The following RIMKLB variants were observed in gnomAD, a reference collection of about 807,000 sequenced individuals.
RIMKLB encodes beta-citrylglutamate synthase B.
A neutral mutation model predicts 32.0 loss-of-function variants in RIMKLB; 7 were observed. That is an observed-to-expected ratio of 0.22 (90% CI 0.12 to 0.41). The LOEUF is 0.41. RIMKLB is among the 10% of genes least tolerant of loss of function. The pLI is 1.00. For synonymous variants in RIMKLB, 172 were observed against 185.1 expected, an observed-to-expected ratio of 0.93 and a Z score of 0.57; for missense variants, 289 against 498.7, an observed-to-expected ratio of 0.58 and a Z score of 4.00.
At chr12:8,778,632 A>G (rs956743525), downstream of RIMKLB, among the ~76,000 whole-genome samples, 1 of 152,146 alleles carries the variant, frequency 6.6e-6, no homozygotes, top group Middle Eastern at 3.2e-3. Context: ...AAACTAAACT[A>G]TCCTCTCCTC....
intron 1 of RIMKLB, among the ~76,000 whole-genome samples, chr12:8,685,200 G>A (rs1227323884): frequency 6.6e-6 from 1 of 152,162 alleles, no homozygotes; most frequent in Non-Finnish European, 1.5e-5. Context: ...AGCCATGCTT[G>A]CCTTGGTCCT....
intron 1 of RIMKLB, among the ~76,000 whole-genome samples, chr12:8,699,307 CTTAATTA>C: frequency 6.6e-6 from 1 of 151,954 alleles, no homozygotes; most frequent in Middle Eastern, 3.4e-3. Flanking sequence ...TATGGGTGTT[CTTAATTA>C]TTAACTATAA....
chr12:8,770,949 G>A lies in RIMKLB; in HGVS notation c.698-2372G>A, dbSNP rs116677610. 9.2e-3 allele frequency among the ~76,000 whole-genome samples: 1,395 copies of A among 152,256 alleles called. 18 individuals are homozygous for A. Among genetic ancestry groups the A allele is most frequent in the African/African-American group, 0.03 (1,249 of 41,550 alleles). The stretch of plus-strand genomic sequence containing the variant: ...ACAGAACTCAAAGAACACTTACATT[G>A]TGTTATCTGTATATTATAAAGGATA... On this transcript the variant is annotated intron_variant, in intron 5 of 5. Transcript: ENST00000535829.
rs536756860 is a variant in RIMKLB at position 8,744,692 on chromosome 12, G to A, written c.176-5170G>A. ...TTTATTTATTTTGAGATGGAGTCTC[G>A]CTCTGTTGCTTAGGCTGGAGTGGAG... On this transcript the variant is annotated intron_variant, in intron 2 of 5. Transcript: ENST00000535829. 9.9e-4 allele frequency among the ~76,000 whole-genome samples: 150 copies of A among 151,184 alleles called. 2 individuals carry two copies. The highest frequency in any genetic ancestry group is 3.3e-3 in the African/African-American group (136 of 40,928).
chr12:8,693,674 A>G (rs59449904), upstream of RIMKLB, among the ~76,000 whole-genome samples: 32,050 of 151,994 alleles, frequency 0.21, 3,694 homozygotes, highest in Non-Finnish European at 0.26. Context: ...CTGGGATTAC[A>G]CATGGGAGAC....
chr12:8,690,388 C>T (rs1174727359), intron 1 of RIMKLB, among the ~76,000 whole-genome samples: 1 of 152,086 alleles, frequency 6.6e-6, no homozygotes, highest in Non-Finnish European at 1.5e-5. Context: ...GTAAATGCTA[C>T]TGAAGCATGA....
chr12:8,675,932 C>T, the RIMKLB span, among the ~76,000 whole-genome samples: 11 of 151,654 alleles, frequency 7.3e-5, no homozygotes, highest in Non-Finnish European at 1.5e-4. Flanking sequence ...TTGTCCCTGA[C>T]GTCGTTAAAT....
upstream of RIMKLB, chr12:8,697,531 C>G (rs1049937860): frequency 1.2e-4 from 18 of 154,030 alleles, no homozygotes; most frequent in African/African-American, 3.9e-4. Flanking sequence ...AATGTGAGGG[C>G]GGGGAGGGCG....
At chr12:8,716,811 A>G (rs950292281) in intron 2 of RIMKLB, among the ~76,000 whole-genome samples, 8 of 135,476 alleles carry the variant, frequency 5.9e-5, no homozygotes, top group African/African-American at 2.2e-4. Context: ...ATCTTAGCTC[A>G]CTGCAGCCTC....
chr12:8,750,856 TTTC>T (rs2137745728), intron 3 of RIMKLB, among the ~76,000 whole-genome samples: 1 of 151,682 alleles, frequency 6.6e-6, no homozygotes, highest in South Asian at 2.1e-4. Context: ...TGCCTTTAAT[TTTC>T]TTGTTTGGAA....
chr12:8,686,672 C>T (rs954959031), intron 1 of RIMKLB, among the ~76,000 whole-genome samples: 5 of 151,774 alleles, frequency 3.3e-5, no homozygotes, highest in African/African-American at 9.7e-5. Flanking sequence ...TTAGTAGAGT[C>T]GGGGTTTCAC....
At chr12:8,727,220 TTTG>T (rs757341772) in intron 2 of RIMKLB, among the ~76,000 whole-genome samples, 21 of 151,776 alleles carry the variant, frequency 1.4e-4, no homozygotes, top group African/African-American at 4.6e-4. Flanking sequence ...GGCACTTTGG[TTTG>T]TTGTTGTTGT....
At chr12:8,780,050 G>C (rs1388395406), downstream of RIMKLB, 2 of 152,124 alleles carry the variant, frequency 1.3e-5, no homozygotes, top group African/African-American at 4.8e-5. Context: ...GTATGTGTTC[G>C]TGTTTTAATG....
At chr12:8,715,558 TC>T (rs1360050408) in intron 2 of RIMKLB, among the ~76,000 whole-genome samples, 2 of 152,172 alleles carry the variant, frequency 1.3e-5, no homozygotes, top group East Asian at 3.9e-4. Context: ...ACTGCCTTTA[TC>T]AGGATGATGC....
At chr12:8,669,143 G>A in the RIMKLB span, 2,043 of 158,494 alleles carry the variant, frequency 0.013, 33 homozygotes, top group African/African-American at 0.045. Context: ...TCTGTTTCTG[G>A]TGAGGGACAC....
upstream of RIMKLB, among the ~76,000 whole-genome samples, chr12:8,678,450 C>A (rs1384623357): frequency 2.0e-5 from 3 of 152,072 alleles, no homozygotes; most frequent in Non-Finnish European, 2.9e-5. Context: ...CCTGCCTCAG[C>A]CTCCCGAGTA....
intron 2 of RIMKLB, among the ~76,000 whole-genome samples, chr12:8,725,590 G>A (rs1016882962): frequency 2.0e-5 from 3 of 152,160 alleles, no homozygotes; most frequent in East Asian, 1.9e-4. Flanking sequence ...CTCAGCCTGC[G>A]AGGCACACCA....
chr12:8,749,090 A>G (rs1024295161), intron 2 of RIMKLB, among the ~76,000 whole-genome samples: 2 of 152,236 alleles, frequency 1.3e-5, no homozygotes, highest in Admixed American at 6.5e-5. Flanking sequence ...TTTTTAAAAA[A>G]CATACAAAAC....
the RIMKLB span, among the ~76,000 whole-genome samples, chr12:8,670,925 T>G: frequency 6.6e-6 from 1 of 152,248 alleles, no homozygotes; most frequent in Non-Finnish European, 1.5e-5. Context: ...CGATATCACA[T>G]GGAAGCTGCC....
Sources: gnomAD v4.1 joint callset for allele counts (sites outside exome capture counted in the v4.1 genomes callset) on GRCh38, gnomAD v4.1.1 for gene constraint, MANE v1.5 for transcripts, NCBI Gene and HGNC (gene_info 2026-07-23, HGNC 2026-07-21) for gene names.